The following ENTREP2 variants were observed in gnomAD, a reference collection of about 807,000 sequenced individuals.
The protein encoded by ENTREP2 is protein ENTREP2.
chr15:29,402,329 T>G, the ENTREP2 span, among the ~76,000 whole-genome samples: 1 of 151,566 alleles, frequency 6.6e-6, no homozygotes, highest in Non-Finnish European at 1.5e-5. Context: ...TATATATGTA[T>G]ATTGGAGACA....
At chr15:29,317,817 C>T in the ENTREP2 span, among the ~76,000 whole-genome samples, 1 of 152,082 alleles carries the variant, frequency 6.6e-6, no homozygotes, top group African/African-American at 2.4e-5. Flanking sequence ...TCATCCGACC[C>T]GGGTGGGATG....
chr15:29,182,497 A>C, the ENTREP2 span, among the ~76,000 whole-genome samples: 2 of 152,208 alleles, frequency 1.3e-5, no homozygotes, highest in Non-Finnish European at 2.9e-5. Context: ...ATATATATTT[A>C]ACGTAAGTTG....
chr15:29,504,687 T>C, the ENTREP2 span, among the ~76,000 whole-genome samples: 24 of 152,340 alleles, frequency 1.6e-4, no homozygotes, highest in Middle Eastern at 3.4e-3. Context: ...ATTCAGACTA[T>C]TTACCTGAGT....
the ENTREP2 span, among the ~76,000 whole-genome samples, chr15:29,217,358 G>A: frequency 6.6e-6 from 1 of 152,028 alleles, no homozygotes; most frequent in Non-Finnish European, 1.5e-5. Context: ...GGTGATTAAA[G>A]GAAAAAGGGA....
the ENTREP2 span, among the ~76,000 whole-genome samples, chr15:29,387,507 A>G: frequency 2.6e-5 from 4 of 152,218 alleles, no homozygotes; most frequent in African/African-American, 4.8e-5. Flanking sequence ...ATGCTCATGG[A>G]TAGGAAGAAT....
chr15:29,570,401 G>C, the ENTREP2 span: 2 of 698,388 alleles, frequency 2.9e-6, no homozygotes, highest in Non-Finnish European at 1.9e-6. Context: ...GGCGTTGGCC[G>C]CCGGAACTTG....
the ENTREP2 span, among the ~76,000 whole-genome samples, chr15:29,506,314 A>G: frequency 6.6e-6 from 1 of 152,206 alleles, no homozygotes; most frequent in Non-Finnish European, 1.5e-5. Context: ...GGAGAATGGA[A>G]CCAAGTTGGA....
chr15:29,236,952 G>A, the ENTREP2 span, among the ~76,000 whole-genome samples: 3 of 152,104 alleles, frequency 2.0e-5, no homozygotes, highest in Non-Finnish European at 4.4e-5. Flanking sequence ...AATACCTCTC[G>A]TGAACTTAGA....
the ENTREP2 span, among the ~76,000 whole-genome samples, chr15:29,531,510 C>A: frequency 6.6e-6 from 1 of 152,186 alleles, no homozygotes; most frequent in East Asian, 1.9e-4. Flanking sequence ...CTGGGGAGGG[C>A]CAACCATGGG....
the ENTREP2 span, among the ~76,000 whole-genome samples, chr15:29,228,722 T>C: frequency 6.6e-6 from 1 of 152,106 alleles, no homozygotes; most frequent in African/African-American, 2.4e-5. Context: ...AGTCAAAAGG[T>C]ACAAATTATC....
the ENTREP2 span, chr15:29,268,809 G>C: frequency 6.2e-7 from 1 of 1,610,040 alleles, no homozygotes. Context: ...ATGGAGCTGG[G>C]CCACTAGGCT....
At chr15:29,598,764 T>C in the ENTREP2 span, among the ~76,000 whole-genome samples, 6 of 152,196 alleles carry the variant, frequency 3.9e-5, no homozygotes, top group African/African-American at 1.4e-4. Flanking sequence ...TGGCGTGATC[T>C]TGGCTCACTG....
At chr15:29,232,134 GC>G in the ENTREP2 span, among the ~76,000 whole-genome samples, 2 of 151,942 alleles carry the variant, frequency 1.3e-5, no homozygotes, top group African/African-American at 4.8e-5. Flanking sequence ...CAGGTGATCT[GC>G]CTGCCTCAGT....
At chr15:29,439,357 G>A in the ENTREP2 span, among the ~76,000 whole-genome samples, 8 of 150,614 alleles carry the variant, frequency 5.3e-5, no homozygotes, top group Non-Finnish European at 1.0e-4. Flanking sequence ...GGGAGAAGAT[G>A]AAGCAGGAGC....
At chr15:29,252,230 C>A in the ENTREP2 span, 1 of 520,742 alleles carries the variant, frequency 1.9e-6, no homozygotes, top group Non-Finnish European at 3.4e-6. Context: ...AACCTAAATA[C>A]CCTAAACTAG....
At chr15:29,652,889 G>C in the ENTREP2 span, among the ~76,000 whole-genome samples, 1 of 152,246 alleles carries the variant, frequency 6.6e-6, no homozygotes, top group Non-Finnish European at 1.5e-5. Context: ...GCCAGGCTGA[G>C]TGGGAGGAAT....
At chr15:29,537,613 T>C in the ENTREP2 span, among the ~76,000 whole-genome samples, 1 of 152,196 alleles carries the variant, frequency 6.6e-6, no homozygotes, top group African/African-American at 2.4e-5. Context: ...GCCTCCTAAC[T>C]GGAATCTCCA....
the ENTREP2 span, among the ~76,000 whole-genome samples, chr15:29,387,616 C>A: frequency 6.6e-6 from 1 of 152,156 alleles, no homozygotes; most frequent in Non-Finnish European, 1.5e-5. Flanking sequence ...TTGGAAAAAA[C>A]TACTTTAAAG....
chr15:29,605,163 C>A, the ENTREP2 span, among the ~76,000 whole-genome samples: 1,827 of 152,250 alleles, frequency 0.012, 32 homozygotes, highest in African/African-American at 0.042. Context: ...AAATGATGGA[C>A]CAAAATGTGG....
Sources: allele counts gnomAD v4.1 joint callset (sites outside exome capture counted in the v4.1 genomes callset), GRCh38; gene constraint gnomAD v4.1.1; transcripts MANE v1.5; gene names NCBI Gene and HGNC (gene_info 2026-07-23, HGNC 2026-07-21).